Variants in ATP10B observed in about 807,000 individuals in gnomAD.
ATP10B encodes ATPase phospholipid transporting 10B (putative).
ATP10B carries 122 observed loss-of-function variants against 141.2 expected under a neutral mutation model. The observed-to-expected ratio is 0.86, with a 90% CI of 0.75 to 1.00. The LOEUF (loss-of-function observed/expected upper bound fraction) is 1.00. ATP10B is among the 50% of genes least tolerant of loss of function. The pLI is 0.00. For missense variants in ATP10B, 1,876 were observed against 1,825.3 expected, an observed-to-expected ratio of 1.03 and a Z score of -0.51; for synonymous variants, 685 against 692.0, an observed-to-expected ratio of 0.99 and a Z score of 0.16.
At chr5:160,792,755 T>C (rs1771674537) in intron 1 of ATP10B, among the ~76,000 whole-genome samples, 1 of 152,196 alleles carries the variant, frequency 6.6e-6, no homozygotes, top group South Asian at 2.1e-4. Context: ...GTCTCCAGGG[T>C]AGCAGTTTAC....
intron 1 of ATP10B, among the ~76,000 whole-genome samples, chr5:160,828,248 G>C (rs1384007565): frequency 6.0e-5 from 9 of 150,286 alleles, no homozygotes; most frequent in South Asian, 4.2e-4. Flanking sequence ...CACAGCAAAA[G>C]AAACTACCAT....
At chr5:160,883,761 T>G in the ATP10B span, among the ~76,000 whole-genome samples, 1 of 151,184 alleles carries the variant, frequency 6.6e-6, no homozygotes, top group East Asian at 1.9e-4. Flanking sequence ...AAAAGGAAAC[T>G]ATAGATTAAA....
Position 160,620,536 on chromosome 5 carries a change from G to C in ATP10B, c.2227C>G (p.Pro743Ala), listed in dbSNP as rs769530017. 1 of 1,614,218 alleles carries C rather than the reference G, an allele frequency of 6.2e-7. No homozygotes were observed. The highest frequency in any genetic ancestry group is 2.2e-5 in the East Asian group (1 of 44,882). The change falls in exon 15 of 26, where the codon CCT becomes GCT. Residue 743 changes from proline (P) to alanine (A), a missense_variant. Transcript: ENST00000327245. ...GGCAGGCGCACAGTCACCTGCTCAG[G>C]TGTCCGGGACACTAGTGTGAAGCTG... ...AYSFTLVSRT[P>A]EQVTVRLPQG...
chr5:160,656,544 A>G (rs1761511375), intron 7 of ATP10B, among the ~76,000 whole-genome samples: 1 of 152,230 alleles, frequency 6.6e-6, no homozygotes, highest in African/African-American at 2.4e-5. Context: ...ACATGCATGT[A>G]CCACTATCTT....
intron 7 of ATP10B, among the ~76,000 whole-genome samples, chr5:160,663,457 C>T (rs2127716304): frequency 6.6e-6 from 1 of 152,170 alleles, no homozygotes; most frequent in East Asian, 1.9e-4. Flanking sequence ...TACTATGCAG[C>T]CATAAAAAAT....
At chr5:160,685,172 G>A (rs576873164) in intron 6 of ATP10B, 10 of 640,260 alleles carry the variant, frequency 1.6e-5, no homozygotes, top group African/African-American at 7.3e-5. Flanking sequence ...ACCACTACTC[G>A]CTTCTTGTCT....
At chr5:160,586,057 T>C (rs1449954028) in intron 24 of ATP10B, among the ~76,000 whole-genome samples, 1 of 152,206 alleles carries the variant, frequency 6.6e-6, no homozygotes, top group Non-Finnish European at 1.5e-5. Context: ...GTTTGCTGCA[T>C]CTATCAACCT....
At position 160,805,291 on chromosome 5, in the gene ATP10B, T is replaced by C. The variant is rs373327714; in HGVS notation, c.-575-19488A>G. Among the ~76,000 whole-genome samples, 120 of 152,334 alleles carry C rather than the reference T, an allele frequency of 7.9e-4. 3 individuals are homozygous for C. The South Asian group carries it at 0.023, about 30-fold the overall frequency. ...GCTGATGACAAAAATAATTTAGCAG[T>C]AATTAATAATAATGTGTGTCTCCTG... On this transcript the variant is annotated intron_variant, in intron 1 of 25. Coordinates refer to ENST00000327245, the MANE Select transcript of ATP10B (RefSeq NM_025153.3).
chr5:160,638,956 T>C (rs1759627626), intron 10 of ATP10B, among the ~76,000 whole-genome samples: 1 of 152,192 alleles, frequency 6.6e-6, no homozygotes, highest in Non-Finnish European at 1.5e-5. Flanking sequence ...TCTCCACCTC[T>C]CATGGTGCTC....
chr5:160,740,160 C>T (rs980262786), intron 2 of ATP10B, among the ~76,000 whole-genome samples: 4 of 152,154 alleles, frequency 2.6e-5, no homozygotes, highest in South Asian at 2.1e-4. Context: ...AACAGCATTG[C>T]CCCCAGAGGC....
intron 3 of ATP10B, among the ~76,000 whole-genome samples, chr5:160,702,310 C>T (rs1016457043): frequency 2.0e-5 from 3 of 152,128 alleles, no homozygotes; most frequent in African/African-American, 7.2e-5. Context: ...CATTAAATTC[C>T]TCAAAATCTC....
intron 16 of ATP10B, 135 bp from the exon 17 acceptor site, chr5:160,616,099 A>T: frequency 2.4e-6 from 2 of 830,206 alleles, no homozygotes; most frequent in Non-Finnish European, 1.6e-6. Flanking sequence ...TTCTTCTCAA[A>T]GACTTTTTTT....
the ATP10B span, among the ~76,000 whole-genome samples, chr5:160,862,712 C>A: frequency 6.6e-6 from 1 of 151,918 alleles, no homozygotes; most frequent in African/African-American, 2.4e-5. Context: ...TAATCTTGAT[C>A]CTTAAATTTC....
At chr5:160,596,324 CT>C (rs1756692890) in intron 22 of ATP10B, among the ~76,000 whole-genome samples, 1 of 151,884 alleles carries the variant, frequency 6.6e-6, no homozygotes, top group Admixed American at 6.6e-5. Flanking sequence ...CAGAAAAGGC[CT>C]TTGACGAAAT....
chr5:160,649,340 G>T, intron 7 of ATP10B, 84 bp from the exon 8 acceptor site: 1 of 962,194 alleles, frequency 1.0e-6, no homozygotes, highest in Non-Finnish European at 1.6e-6. Context: ...ATCACTGTTA[G>T]AACCATTGCA....
chr5:160,831,703 T>C (rs1463149519), intron 1 of ATP10B, among the ~76,000 whole-genome samples: 1 of 152,080 alleles, frequency 6.6e-6, no homozygotes, highest in Non-Finnish European at 1.5e-5. Flanking sequence ...GACAATTCAT[T>C]GTGAAAAGTG....
intron 7 of ATP10B, among the ~76,000 whole-genome samples, chr5:160,660,046 G>A (rs1477824835): frequency 6.6e-6 from 1 of 152,098 alleles, no homozygotes; most frequent in Admixed American, 6.5e-5. Flanking sequence ...ATATCAAAAG[G>A]GGGTGGTGTA....
intron 1 of ATP10B, among the ~76,000 whole-genome samples, chr5:160,806,694 C>T (rs530139266): frequency 5.9e-4 from 90 of 152,300 alleles, no homozygotes; most frequent in African/African-American, 2.1e-3. Context: ...CACTCAACAA[C>T]CCTATTTACA....
At chr5:160,693,999 C>T (rs1052065834) in intron 3 of ATP10B, among the ~76,000 whole-genome samples, 2 of 152,160 alleles carry the variant, frequency 1.3e-5, no homozygotes, top group Non-Finnish European at 2.9e-5. Context: ...AGAGACAGCC[C>T]AGGGTCAGAT....
Sources: gnomAD v4.1 joint callset for allele counts (sites outside exome capture counted in the v4.1 genomes callset) on GRCh38, gnomAD v4.1.1 for gene constraint, MANE v1.5 for transcripts, NCBI Gene and HGNC (gene_info 2026-07-23, HGNC 2026-07-21) for gene names.